SYN3: variants seen among roughly 807,000 people sequenced by gnomAD.
SYN3 encodes the protein synapsin-3.
SYN3 carries 35 observed loss-of-function variants against 65.8 expected under a neutral mutation model. That is an observed-to-expected ratio of 0.53 (90% confidence interval 0.41 to 0.70). The LOEUF (loss-of-function observed/expected upper bound fraction) is 0.70. Ranked by LOEUF, SYN3 falls within the 30% of genes least tolerant of loss-of-function variation. SYN3 has a pLI of 0.00. For missense variants in SYN3, 680 were observed against 749.0 expected (o/e 0.91, Z 1.08); for synonymous variants, 270 against 292.9 (o/e 0.92, Z 0.80).
intron 2 of SYN3, among the ~76,000 whole-genome samples, chr22:32,999,721 A>G (rs1033015569): frequency 2.0e-5 from 3 of 152,004 alleles, no homozygotes; most frequent in African/African-American, 7.2e-5. Flanking sequence ...ACAAACAATA[A>G]AAGCACAGGA....
chr22:32,681,730 A>T (rs1431071564), intron 6 of SYN3, among the ~76,000 whole-genome samples: 42 of 152,370 alleles, frequency 2.8e-4, no homozygotes, highest in Non-Finnish European at 2.2e-4. Flanking sequence ...CTAAGCACTC[A>T]GAACACATTA....
chr22:32,900,752 G>A (rs973200549), intron 4 of SYN3, among the ~76,000 whole-genome samples: 2 of 152,180 alleles, frequency 1.3e-5, no homozygotes, highest in African/African-American at 4.8e-5. Flanking sequence ...ACCTGGACAT[G>A]TATACTATGG....
At chr22:32,967,501 T>C (rs1281287188) in intron 3 of SYN3, among the ~76,000 whole-genome samples, 1 of 152,194 alleles carries the variant, frequency 6.6e-6, no homozygotes, top group Non-Finnish European at 1.5e-5. Context: ...ATATGTCAGC[T>C]CACTCCCCTC....
intron 6 of SYN3, among the ~76,000 whole-genome samples, chr22:32,643,813 C>T (rs78316537): frequency 0.056 from 8,444 of 151,462 alleles, 782 homozygotes; most frequent in African/African-American, 0.19. Flanking sequence ...GACAAGGGGC[C>T]GGGCGCGGTG....
At chr22:32,792,255 C>G (rs1225571126) in intron 6 of SYN3, among the ~76,000 whole-genome samples, 3 of 152,160 alleles carry the variant, frequency 2.0e-5, no homozygotes, top group African/African-American at 4.8e-5. Flanking sequence ...AAAACTCAGA[C>G]TTATGACATC....
chr22:32,681,739 T>C (rs894689348), intron 6 of SYN3, among the ~76,000 whole-genome samples: 97 of 152,172 alleles, frequency 6.4e-4, no homozygotes, highest in African/African-American at 2.2e-3. Flanking sequence ...CAGAACACAT[T>C]AGTGGATATA....
chr22:32,692,155 C>CA (rs1188224009), intron 6 of SYN3, among the ~76,000 whole-genome samples: 793 of 34,456 alleles, frequency 0.023, 38 homozygotes, highest in African/African-American at 0.054. Context: ...GACAAAAAGA[C>CA]AAAAAAAAAA....
intron 6 of SYN3, among the ~76,000 whole-genome samples, chr22:32,830,628 C>T (rs982862122): frequency 1.3e-5 from 2 of 152,178 alleles, no homozygotes; most frequent in African/African-American, 2.4e-5. Context: ...AAGGAATTCT[C>T]GTTGGAAAAC....
chr22:32,991,677 G>C (rs1396398804), intron 2 of SYN3, among the ~76,000 whole-genome samples: 1 of 152,066 alleles, frequency 6.6e-6, no homozygotes, highest in Non-Finnish European at 1.5e-5. Context: ...TTCACTCACG[G>C]ACTGATTTGT....
At chr22:32,969,892 T>C (rs1423097371) in intron 3 of SYN3, among the ~76,000 whole-genome samples, 1 of 152,240 alleles carries the variant, frequency 6.6e-6, no homozygotes, top group African/African-American at 2.4e-5. Flanking sequence ...CTGAATGTTG[T>C]ATATCAATGG....
intron 2 of SYN3, among the ~76,000 whole-genome samples, chr22:32,992,995 G>T (rs924273558): frequency 6.6e-6 from 1 of 152,056 alleles, no homozygotes; most frequent in African/African-American, 2.4e-5. Flanking sequence ...GTGCAGTCCT[G>T]GTGGGACTGT....
chr22:32,569,647 A>C (rs548654783), intron 7 of SYN3, among the ~76,000 whole-genome samples: 1 of 151,902 alleles, frequency 6.6e-6, no homozygotes, highest in African/African-American at 2.4e-5. Flanking sequence ...AGTTTTAAAA[A>C]TACGAAATAC....
intron 7 of SYN3, among the ~76,000 whole-genome samples, chr22:32,553,869 T>G (rs893671076): frequency 1.4e-4 from 22 of 152,314 alleles, no homozygotes; most frequent in Admixed American, 3.9e-4. Flanking sequence ...AAATGCTTCC[T>G]GTGGACTACA....
At chr22:32,891,421 C>G (rs2049443010) in intron 4 of SYN3, among the ~76,000 whole-genome samples, 1 of 152,178 alleles carries the variant, frequency 6.6e-6, no homozygotes, top group Admixed American at 6.5e-5. Context: ...CTTCTTTGTA[C>G]TTTCCCAGGT....
At chr22:32,838,930 T>C (rs989131867) in intron 6 of SYN3, among the ~76,000 whole-genome samples, 1 of 151,468 alleles carries the variant, frequency 6.6e-6, no homozygotes, top group East Asian at 2.0e-4. Context: ...AAGGAACCAA[T>C]CATTAAAGAA....
chr22:32,558,558 T>C (rs2058537523), intron 7 of SYN3, among the ~76,000 whole-genome samples: 1 of 152,250 alleles, frequency 6.6e-6, no homozygotes, highest in South Asian at 2.1e-4. Flanking sequence ...TTCCTATCTT[T>C]TCTCTTTCCT....
chr22:32,604,788 G>A (rs989066864), intron 6 of SYN3, among the ~76,000 whole-genome samples: 1 of 151,158 alleles, frequency 6.6e-6, no homozygotes, highest in Non-Finnish European at 1.5e-5. Context: ...GGCAGATGAC[G>A]AGGTCAGGAG....
chr22:32,785,171 C>T (rs2046162038), intron 6 of SYN3, among the ~76,000 whole-genome samples: 1 of 151,832 alleles, frequency 6.6e-6, no homozygotes, highest in Non-Finnish European at 1.5e-5. Context: ...GTCGGTGCAG[C>T]TCTGGGGTCA....
chr22:32,801,901 C>A lies in SYN3; in HGVS notation c.711+63014G>T. The A allele has an allele frequency of 1.4e-6, 2 of 1,387,622 alleles. No individual in the cohort carries two copies. Among genetic ancestry groups the A allele is most frequent in the Middle Eastern group, 2.6e-4 (1 of 3,792 alleles). The allele number at this position is 1,387,622 out of a possible 1,614,324, so 86.0% of individuals were successfully genotyped here. On this transcript the variant is annotated intron_variant, in intron 6 of 13. Coordinates refer to ENST00000358763, the MANE Select transcript of SYN3 (RefSeq NM_003490.4). This position sits in a 1 kb window ranked among gnomAD's most constrained non-coding sequence, Gnocchi z 4.7. ...GAGGCCAAGGTTGCCCCGCACGGCCCGGCGGGCGAGCGAGCTCGGGCTGCA... is the reference window on the plus strand; with the variant it reads ...GAGGCCAAGGTTGCCCCGCACGGCCAGGCGGGCGAGCGAGCTCGGGCTGCA...
Sources: gnomAD v4.1 joint callset for allele counts (sites outside exome capture counted in the v4.1 genomes callset) on GRCh38, gnomAD v4.1.1 for gene constraint, Gnocchi (gnomAD v3.1) non-coding constraint, MANE v1.5 for transcripts, NCBI Gene and HGNC (gene_info 2026-07-23, HGNC 2026-07-21) for gene names.